Variants in MACF1 observed in about 807,000 individuals in gnomAD.
MACF1 encodes microtubule-actin cross-linking factor 1.
Under a neutral mutation model 854.8 loss-of-function variants are expected in MACF1, and 193 were observed. The ratio of observed to expected loss-of-function variants is 0.23; its 90% CI spans 0.20 to 0.25. The LOEUF (loss-of-function observed/expected upper bound fraction) is 0.25. Among genes scored for constraint, MACF1 ranks in the 10% least tolerant of loss-of-function variants. The pLI is 1.00. For synonymous variants in MACF1, 3,185 were observed against 3,226.7 expected (o/e 0.99, Z 0.44); for missense variants, 7,722 against 8,929.1 (o/e 0.86, Z 5.45).
chr1:39,302,426 C>G (rs1319876221), intron 22 of MACF1, among the ~76,000 whole-genome samples: 1 of 152,158 alleles, frequency 6.6e-6, no homozygotes, highest in Non-Finnish European at 1.5e-5. Context: ...TTTTGTGTGT[C>G]TCGATATTTC....
intron 15 of MACF1, among the ~76,000 whole-genome samples, chr1:39,291,213 G>A (rs1571278522): frequency 6.6e-6 from 1 of 152,194 alleles, no homozygotes; most frequent in African/African-American, 2.4e-5. Context: ...CTGACCTCAG[G>A]TGATCCACCT....
intron 45 of MACF1, 142 bp from the exon 46 acceptor site, chr1:39,358,555 C>T (rs756207666): frequency 2.9e-5 from 20 of 701,476 alleles, no homozygotes; most frequent in Admixed American, 5.6e-5. Context: ...CATTGCTACC[C>T]ATCTATCCAT....
At chr1:39,419,543 A>G (rs1256916910) in intron 58 of MACF1, among the ~76,000 whole-genome samples, 4 of 152,272 alleles carry the variant, frequency 2.6e-5, no homozygotes, top group Non-Finnish European at 5.9e-5. Flanking sequence ...CTGAAATCAG[A>G]AACACTTCTG....
Position 39,452,208 on chromosome 1 carries a change from G to A in MACF1, c.20471G>A (p.Arg6824Gln), listed in dbSNP as rs750406867. 3 of 1,614,054 alleles carry A rather than the reference G, an allele frequency of 1.9e-6. No homozygotes were observed. The highest frequency in any genetic ancestry group is 2.7e-5 in the African/African-American group (2 of 75,062). Residue 6824 changes from arginine (R) to glutamine (Q), a missense_variant, in exon 86 of 101, where the codon CGG (arginine) becomes CAG (glutamine). Physicochemically the swap from Arg to Gln is conservative, Grantham distance 43 (BLOSUM62 1). Coordinates refer to ENST00000564288, the MANE Select transcript of MACF1 (RefSeq NM_001394062.1). The stretch of plus-strand genomic sequence containing the variant: ...ACAGGAACCGTTCAGGTCCTGAAGC[G>A]GTCAGGCCGAGAGCTGATTGAGAAT... Reference protein sequence around the residue: ...KRTGTVQVLKRSGRELIENSR... With the variant: ...KRTGTVQVLKQSGRELIENSR...
chr1:39,369,903 A>G, intron 50 of MACF1, 127 bp from the exon 51 acceptor site: 1 of 836,836 alleles, frequency 1.2e-6, no homozygotes, highest in East Asian at 2.6e-5. Flanking sequence ...CCTGCTATGG[A>G]AAAGATTATG....
Position 39,460,208 on chromosome 1 carries a change from C to G in MACF1, c.21361-424C>G, listed in dbSNP as rs897259363. On this transcript the variant is annotated intron_variant, in intron 91 of 100. Transcript: ENST00000564288. This position sits in a 1 kb window ranked among gnomAD's most constrained non-coding sequence, Gnocchi z 4.1. ...TCAGAAGATAGTGGTAAACACGAGC[C>G]TCCTGATATGAGCCCTATGTGTGAT... 1.3e-5 allele frequency among the ~76,000 whole-genome samples: 2 copies of G among 152,168 alleles called. No individual in the cohort carries two copies. Among genetic ancestry groups the G allele is most frequent in the Non-Finnish European group, 2.9e-5 (2 of 68,038 alleles).
At chr1:39,349,792 C>T (rs1309877014) in intron 42 of MACF1, among the ~76,000 whole-genome samples, 165 bp downstream of exon 42, 1 of 152,196 alleles carries the variant, frequency 6.6e-6, no homozygotes, top group East Asian at 1.9e-4. Flanking sequence ...CCACCATGTC[C>T]TAATTTTTTA....
At chr1:39,418,862 C>CAA (rs199994964) in intron 58 of MACF1, among the ~76,000 whole-genome samples, 11,910 of 137,184 alleles carry the variant, frequency 0.087, 585 homozygotes, top group East Asian at 0.14. Flanking sequence ...GACCCTGTCT[C>CAA]AAAAAAAAAA....
chr1:39,322,963 C>G lies in MACF1; in HGVS notation c.4191C>G (p.His1397Gln), dbSNP rs750437981. The change falls in exon 33 of 101, where the codon CAC becomes CAG. Residue 1397 changes from histidine (H) to glutamine (Q), a missense_variant. Coordinates refer to ENST00000564288, the MANE Select transcript of MACF1 (RefSeq NM_001394062.1). ...YTALVTLTTQ[H>Q]VKYISDALRR... Reference sequence around the variant, plus strand: ...CATTGGTGACTTTAACAACTCAGCACGTGAAATACATCAGTGATGCACTCC... The same window carrying G: ...CATTGGTGACTTTAACAACTCAGCAGGTGAAATACATCAGTGATGCACTCC... The G allele has an allele frequency of 9.9e-6, 16 of 1,613,980 alleles. No homozygotes were observed. Among genetic ancestry groups the G allele is most frequent in the African/African-American group, 1.3e-5 (1 of 74,908 alleles).
At position 39,169,736 on chromosome 1, in the gene MACF1, C is replaced by T. The variant is rs114978781; in HGVS notation, c.221-61446C>T. On this transcript the variant is annotated intron_variant, in intron 2 of 93. Coordinates refer to the MACF1 transcript ENST00000361689. ...TTCCTCATTGTGTCTTATCCTCCCT[C>T]ATTCATTCTCTCTCCTTGCCCTTTC... is the stretch of plus-strand genomic sequence containing the variant. Among the ~76,000 whole-genome samples the T allele has an allele frequency of 4.8e-3, 723 of 151,746 alleles. 5 individuals carry two copies. The highest frequency in any genetic ancestry group is 0.017 in the African/African-American group (696 of 41,394).
chr1:39,441,849 G>A lies in MACF1; in HGVS notation c.18673-103G>A, dbSNP rs531363643. On this transcript the variant is annotated intron_variant, in intron 74 of 100. Transcript: ENST00000564288. The stretch of plus-strand genomic sequence containing the variant: ...TACCTGAAATCACAAACAGCACAAG[G>A]TGCTTTGATTGATTTATGTCTTCTT... 28 of 819,668 alleles carry A rather than the reference G, an allele frequency of 3.4e-5. No individual in the cohort carries two copies. In the South Asian group the frequency reaches 4.0e-4, roughly 12 times the overall value. The allele number at this position is 819,668 out of a possible 1,614,324, so 50.8% of individuals were successfully genotyped here.
intron 23 of MACF1, 27 bp from the exon 24 acceptor site, chr1:39,309,543 A>G (rs1349111030): frequency 6.2e-7 from 1 of 1,613,086 alleles, no homozygotes; most frequent in Non-Finnish European, 8.5e-7. Context: ...TTACAAAGGT[A>G]ATAGTCAGGT....
chr1:39,243,125 T>C (rs1007502640), intron 2 of MACF1, among the ~76,000 whole-genome samples: 2 of 152,234 alleles, frequency 1.3e-5, no homozygotes, highest in African/African-American at 4.8e-5. Context: ...TTTTATAATA[T>C]AGACATCCTA....
Position 39,414,633 on chromosome 1 carries a change from A to G in MACF1, c.15817-7741A>G, listed in dbSNP as rs1643216152. 2.6e-6 allele frequency: 3 copies of G among 1,166,528 alleles called. No individual in the cohort carries two copies. In the South Asian group the frequency reaches 5.4e-5, roughly 21 times the overall value. The allele number at this position is 1,166,528 out of a possible 1,614,324, so 72.3% of individuals were successfully genotyped here. The stretch of plus-strand genomic sequence containing the variant: ...TAGTCTTTCTGTTCAGTTTTTGGGG[A>G]AAATATACTTTAATTTTGTCTGGTG... On this transcript the variant is annotated intron_variant, in intron 58 of 100. Transcript: ENST00000564288.
intron 6 of MACF1, chr1:39,269,514 C>G (rs1438099571): frequency 1.6e-6 from 2 of 1,289,846 alleles, no homozygotes; most frequent in South Asian, 1.2e-5. Flanking sequence ...GGATTCCAGA[C>G]TGCCTACTTC....
At chr1:39,133,263 G>A (rs1284908712) in intron 2 of MACF1, among the ~76,000 whole-genome samples, 1 of 152,202 alleles carries the variant, frequency 6.6e-6, no homozygotes, top group African/African-American at 2.4e-5. Context: ...AGCGCCGCCT[G>A]TGGACCTGCA....
chr1:39,455,721 C>G (rs1644422708), intron 89 of MACF1, among the ~76,000 whole-genome samples: 1 of 152,104 alleles, frequency 6.6e-6, no homozygotes, highest in Admixed American at 6.5e-5. Context: ...CCACTGGTCC[C>G]CATTATACCT....
intron 2 of MACF1, among the ~76,000 whole-genome samples, chr1:39,155,662 C>T (rs1159607953): frequency 1.3e-5 from 2 of 152,128 alleles, no homozygotes; most frequent in Non-Finnish European, 2.9e-5. Context: ...GAAAAGTATC[C>T]TTAGTTTTCA....
Position 39,244,168 on chromosome 1 carries a change from A to C in MACF1, c.172-5846A>C, listed in dbSNP as rs966755123. 2.6e-5 allele frequency among the ~76,000 whole-genome samples: 4 copies of C among 151,650 alleles called. No homozygotes were observed. The East Asian group carries it at 7.8e-4, about 30-fold the overall frequency. ...TGCTCAGGCTGGAGTGCAGTGGCAC[A>C]ATCTCGGCTCACTGCAACGTCTCCC... On this transcript the variant is annotated intron_variant, in intron 2 of 100. Transcript: ENST00000564288.
Sources: allele counts gnomAD v4.1 joint callset (sites outside exome capture counted in the v4.1 genomes callset), GRCh38; gene constraint gnomAD v4.1.1; non-coding constraint Gnocchi (gnomAD v3.1); transcripts MANE v1.5; gene names NCBI Gene and HGNC (gene_info 2026-07-23, HGNC 2026-07-21).